NRG1: variants seen among roughly 807,000 people sequenced by gnomAD.
NRG1 encodes the protein pro-neuregulin-1, membrane-bound isoform.
In NRG1, 18 loss-of-function variants were observed where a neutral mutation model predicts 63.8. The ratio of observed to expected loss-of-function variants is 0.28; its 90% CI spans 0.19 to 0.42. The LOEUF is 0.42. Ranked by LOEUF, NRG1 falls within the 10% of genes least tolerant of loss-of-function variation. The pLI, the probability that NRG1 is intolerant of heterozygous loss-of-function variation, is 1.00. For synonymous variants in NRG1, 302 were observed against 301.3 expected (o/e 1.00, Z -0.02); for missense variants, 762 against 814.7 (o/e 0.94, Z 0.79).
intron 1 of NRG1, among the ~76,000 whole-genome samples, chr8:32,514,059 A>G (rs1014745232): frequency 2.6e-5 from 4 of 152,198 alleles, no homozygotes; most frequent in Non-Finnish European, 4.4e-5. Flanking sequence ...CCAGCTATAT[A>G]CTGTTGGTCT....
chr8:32,531,840 C>T (rs1396903786), intron 1 of NRG1, among the ~76,000 whole-genome samples: 2 of 152,154 alleles, frequency 1.3e-5, no homozygotes, highest in South Asian at 2.1e-4. Flanking sequence ...AGTATAGTGC[C>T]TACCACAAAA....
intron 1 of NRG1, among the ~76,000 whole-genome samples, chr8:31,733,800 C>G (rs1179692680): frequency 6.6e-6 from 1 of 152,142 alleles, no homozygotes; most frequent in Non-Finnish European, 1.5e-5. Context: ...CTCTGCCCCC[C>G]CGCCCACATG....
At chr8:31,903,508 A>G (rs1050476812) in intron 1 of NRG1, among the ~76,000 whole-genome samples, 1 of 151,890 alleles carries the variant, frequency 6.6e-6, no homozygotes, top group African/African-American at 2.4e-5. Context: ...GAGTCTAACC[A>G]TCTCCATTGT....
chr8:32,715,658 A>G (rs1434391753), intron 5 of NRG1, among the ~76,000 whole-genome samples: 1 of 96,242 alleles, frequency 1.0e-5, no homozygotes. Flanking sequence ...TTTTTTTTTG[A>G]GACAGAGTCT....
intron 1 of NRG1, among the ~76,000 whole-genome samples, chr8:31,896,489 C>T (rs1831589087): frequency 6.6e-6 from 1 of 152,184 alleles, no homozygotes; most frequent in African/African-American, 2.4e-5. Context: ...GTTGTCCAAA[C>T]GTGTCCTGCT....
chr8:31,763,521 A>T (rs1817755597), intron 1 of NRG1, among the ~76,000 whole-genome samples: 2 of 152,210 alleles, frequency 1.3e-5, no homozygotes, highest in African/African-American at 4.8e-5. Flanking sequence ...TTCAACTGTC[A>T]GAAAAATACA....
chr8:32,092,588 G>A (rs184779059), intron 1 of NRG1, among the ~76,000 whole-genome samples: 2 of 152,204 alleles, frequency 1.3e-5, no homozygotes, highest in African/African-American at 2.4e-5. Flanking sequence ...CGGGAGCTCC[G>A]GGCTCAGAAG....
intron 1 of NRG1, among the ~76,000 whole-genome samples, chr8:31,727,673 C>G (rs1343148015): frequency 6.6e-6 from 1 of 152,122 alleles, no homozygotes; most frequent in African/African-American, 2.4e-5. Flanking sequence ...CCCTCCATTA[C>G]TGAATGGGGC....
rs367763292 is a variant in NRG1 at position 32,284,489 on chromosome 8, G to GCCTTCCTTCCTTCCTT, written c.38-311301_38-311286dup. Among the ~76,000 whole-genome samples the GCCTTCCTTCCTTCCTT allele has an allele frequency of 2.1e-3, 281 of 132,592 alleles. 4 individuals are homozygous for GCCTTCCTTCCTTCCTT. Among genetic ancestry groups the GCCTTCCTTCCTTCCTT allele is most frequent in the South Asian group, 5.4e-3 (20 of 3,712 alleles). The allele number at this position is 132,592 out of a possible 152,430, so 87.0% of individuals were successfully genotyped here. The stretch of plus-strand genomic sequence containing the variant: ...ATAATGCTTGCCTCCCTGCCTGCCT[G>GCCTTCCTTCCTTCCTT]CCTTCCTTCCTTCCTTCCTTCCTTC... On this transcript the variant is annotated intron_variant, in intron 1 of 10. Transcript: ENST00000519301.
At chr8:31,824,228 A>G (rs536359967) in intron 1 of NRG1, among the ~76,000 whole-genome samples, 155 of 129,304 alleles carry the variant, frequency 1.2e-3, no homozygotes, top group Non-Finnish European at 1.3e-3. Flanking sequence ...CCTGTGTCCA[A>G]GTGTTCTCAC....
intron 1 of NRG1, among the ~76,000 whole-genome samples, chr8:31,742,611 T>C (rs975721169): frequency 2.0e-5 from 3 of 151,786 alleles, no homozygotes; most frequent in Non-Finnish European, 4.4e-5. Flanking sequence ...CTAGCTGCAA[T>C]GCTAGATAAC....
intron 5 of NRG1, among the ~76,000 whole-genome samples, chr8:32,628,316 T>G (rs1402379080): frequency 6.6e-6 from 1 of 152,214 alleles, no homozygotes; most frequent in Non-Finnish European, 1.5e-5. Flanking sequence ...TTCTCTTATT[T>G]GATCCAGATG....
chr8:32,043,169 A>G (rs1820370796), intron 1 of NRG1, among the ~76,000 whole-genome samples: 1 of 152,058 alleles, frequency 6.6e-6, no homozygotes, highest in African/African-American at 2.4e-5. Flanking sequence ...ACTAAAGACA[A>G]AGAGAAACCT....
At chr8:31,853,855 A>G (rs1443646535) in intron 1 of NRG1, among the ~76,000 whole-genome samples, 1 of 152,046 alleles carries the variant, frequency 6.6e-6, no homozygotes, top group Non-Finnish European at 1.5e-5. Context: ...CCTTTTCTGC[A>G]TCTATTGAGA....
At chr8:32,174,774 T>C (rs1840502256) in intron 1 of NRG1, among the ~76,000 whole-genome samples, 1 of 152,112 alleles carries the variant, frequency 6.6e-6, no homozygotes, top group Admixed American at 6.6e-5. Flanking sequence ...CTCCCAAGAC[T>C]AAACCAGGAA....
chr8:31,833,855 C>G (rs1825410460), intron 1 of NRG1, among the ~76,000 whole-genome samples: 1 of 152,106 alleles, frequency 6.6e-6, no homozygotes, highest in Admixed American at 6.5e-5. Flanking sequence ...GAAACAAGCT[C>G]AAATTTTAAC....
At chr8:32,147,135 C>G (rs1159612798) in intron 1 of NRG1, among the ~76,000 whole-genome samples, 1 of 152,098 alleles carries the variant, frequency 6.6e-6, no homozygotes, top group African/African-American at 2.4e-5. Flanking sequence ...GATAAATGGG[C>G]ACTCTCTTGT....
intron 1 of NRG1, among the ~76,000 whole-genome samples, chr8:31,865,648 C>T (rs144985794): frequency 2.6e-5 from 4 of 152,120 alleles, no homozygotes; most frequent in South Asian, 2.1e-4. Flanking sequence ...TTCTTCCTGC[C>T]GCCATGTGAA....
intron 1 of NRG1, among the ~76,000 whole-genome samples, chr8:32,420,752 C>T (rs1816612387): frequency 6.6e-6 from 1 of 152,244 alleles, no homozygotes; most frequent in South Asian, 2.1e-4. Flanking sequence ...CTATCAGATA[C>T]TTTTTCCCAC....
Sources: gnomAD v4.1 joint callset for allele counts (sites outside exome capture counted in the v4.1 genomes callset) on GRCh38, gnomAD v4.1.1 for gene constraint, MANE v1.5 for transcripts, NCBI Gene and HGNC (gene_info 2026-07-23, HGNC 2026-07-21) for gene names.